The following RBP5 variants were observed in gnomAD, a reference collection of about 807,000 sequenced individuals.
RBP5 encodes retinol-binding protein 5.
Under a neutral mutation model 17.8 loss-of-function variants are expected in RBP5, and 12 were observed. That is an observed-to-expected ratio of 0.67 (90% CI 0.43 to 1.09). The LOEUF is 1.09. RBP5 is among the 50% of genes least tolerant of loss of function. The pLI, the probability that RBP5 is intolerant of heterozygous loss-of-function variation, is 0.00. For missense variants in RBP5, 172 were observed against 169.4 expected (o/e 1.02, Z -0.09); for synonymous variants, 64 against 68.1 (o/e 0.94, Z 0.30).
chr12:7,124,062 G>A lies in RBP5; in HGVS notation c.*59C>T. The A allele has an allele frequency of 1.3e-6, 2 of 1,528,390 alleles. No homozygotes were observed. The highest frequency in any genetic ancestry group is 4.5e-5 in the East Asian group (2 of 44,474). The allele number at this position is 1,528,390 out of a possible 1,614,324, so 94.7% of individuals were successfully genotyped here. On this transcript the variant is annotated 3_prime_UTR_variant, in exon 4 of 4. Transcript: ENST00000266560. This position sits in a 1 kb window ranked among gnomAD's most constrained non-coding sequence, Gnocchi z 5.3. Reference sequence around the variant, plus strand: ...CCTGGCACAATCTGGGCTTGAAGGGGGCACAACAAGAGCGTCTGTGAGCTG... The same window carrying A: ...CCTGGCACAATCTGGGCTTGAAGGGAGCACAACAAGAGCGTCTGTGAGCTG...
chr12:7,119,553 G>A (rs759609019), downstream of RBP5: 1 of 154,950 alleles, frequency 6.5e-6, no homozygotes, highest in Admixed American at 6.5e-5. Context: ...CCCATTCTCT[G>A]GTATGTGTCA....
chr12:7,129,018 G>A, upstream of RBP5: 1 of 470,698 alleles, frequency 2.1e-6, no homozygotes, highest in Admixed American at 3.3e-5. The surrounding 1 kb of genome is among the most constrained non-coding windows in gnomAD (Gnocchi z 5.5). Context: ...GAGGGGCAGG[G>A]ATTTGGCAAA....
chr12:7,128,394 ATCT>A lies in RBP5; in HGVS notation c.95_97del (p.Lys32del). 6.2e-7 allele frequency: 1 copy of A among 1,614,138 alleles called. No individual in the cohort carries two copies. The highest frequency in any genetic ancestry group is 8.5e-7 in the Non-Finnish European group (1 of 1,179,988). The stretch of plus-strand genomic sequence containing the variant: ...CTTGTCCGGCTTCAGCAGCAGCGCG[ATCT>A]TCCGCACAGCCAAGCTGATGTCTGT... On this transcript the variant is annotated inframe_deletion, in exon 2 of 4. Coordinates refer to ENST00000266560, the MANE Select transcript of RBP5 (RefSeq NM_031491.4). The surrounding 1 kb of genome is among the most constrained non-coding windows in gnomAD (Gnocchi z 5.3).
intron 2 of RBP5, among the ~76,000 whole-genome samples, chr12:7,125,032 G>C (rs982886315): frequency 6.6e-6 from 1 of 152,128 alleles, no homozygotes; most frequent in Admixed American, 6.5e-5. Flanking sequence ...TCAGCTACCA[G>C]AGTAGCTGGG....
Position 7,124,055 on chromosome 12 carries a change from T to C in RBP5, c.*66A>G. On this transcript the variant is annotated 3_prime_UTR_variant, in exon 4 of 4. Transcript: ENST00000266560. This position sits in a 1 kb window ranked among gnomAD's most constrained non-coding sequence, Gnocchi z 5.3. ...CAGCTGACCTGGCACAATCTGGGCT[T>C]GAAGGGGGCACAACAAGAGCGTCTG... The C allele has an allele frequency of 6.6e-7, 1 of 1,509,882 alleles. No homozygotes were observed. The highest frequency in any genetic ancestry group is 9.2e-7 in the Non-Finnish European group (1 of 1,085,260). The allele number at this position is 1,509,882 out of a possible 1,614,324, so 93.5% of individuals were successfully genotyped here. A position where few individuals can be genotyped will look rare whatever the true frequency, so the allele number is the denominator to read the frequency against.
Position 7,128,468 on chromosome 12 carries a change from C to T in RBP5, c.74-50G>A, listed in dbSNP as rs781116470. 1.3e-6 allele frequency: 2 copies of T among 1,584,986 alleles called. No homozygotes were observed. Among genetic ancestry groups the T allele is most frequent in the Admixed American group, 1.7e-5 (1 of 59,556 alleles). ...GGTGCTGCTAGCCAGCCAGGAGCTC[C>T]TCTGCCTGCAGCAGCCCCTCAGGGC... On this transcript the variant is annotated intron_variant, in intron 1 of 3. Coordinates refer to ENST00000266560, the MANE Select transcript of RBP5 (RefSeq NM_031491.4). This position sits in a 1 kb window ranked among gnomAD's most constrained non-coding sequence, Gnocchi z 5.3.
In RBP5 at chr12:7,124,028, G is replaced by T; in HGVS notation, c.*93C>A. 8.1e-7 allele frequency: 1 copy of T among 1,236,802 alleles called. No individual in the cohort carries two copies. Among genetic ancestry groups the T allele is most frequent in the Non-Finnish European group, 1.2e-6 (1 of 837,132 alleles). 76.6% of individuals were successfully genotyped at this position (1,236,802 alleles called of 1,614,324 possible). On this transcript the variant is annotated 3_prime_UTR_variant, in exon 4 of 4. Transcript: ENST00000266560. The surrounding 1 kb of genome is among the most constrained non-coding windows in gnomAD (Gnocchi z 5.3). ...GGGAGGAAAGGTGGCCAGAGGAAGG[G>T]ACAGCTGACCTGGCACAATCTGGGC...
chr12:7,123,932 G>A lies in RBP5; in HGVS notation c.*189C>T, dbSNP rs189660922. On this transcript the variant is annotated 3_prime_UTR_variant, in exon 4 of 4. Transcript: ENST00000266560. ...TGAGGTCACTATTGGGCAGTGGAGT[G>A]TGAGAAAGGACTTTGGCCTGGGGGC... 2.0e-4 allele frequency: 123 copies of A among 602,494 alleles called. No homozygotes were observed. Among genetic ancestry groups the A allele is most frequent in the African/African-American group, 1.9e-3 (104 of 54,312 alleles). The allele number at this position is 602,494 out of a possible 1,614,324, so 37.3% of individuals were successfully genotyped here.
chr12:7,123,477 C>T (rs1189401629), downstream of RBP5, among the ~76,000 whole-genome samples: 1 of 152,208 alleles, frequency 6.6e-6, no homozygotes, highest in Non-Finnish European at 1.5e-5. Flanking sequence ...AGCTCCCCGC[C>T]TCCCCAAGCA....
At chr12:7,129,816 C>A, upstream of RBP5, 1 of 985,710 alleles carries the variant, frequency 1.0e-6, no homozygotes, top group Non-Finnish European at 1.2e-6. The surrounding 1 kb of genome is among the most constrained non-coding windows in gnomAD (Gnocchi z 5.5). Flanking sequence ...AGGAGGCGGC[C>A]GGTCCCGACA....
At chr12:7,118,212 G>A (rs1174048444) in intron 3 of RBP5, 5 of 152,172 alleles carry the variant, frequency 3.3e-5, no homozygotes, top group African/African-American at 1.2e-4. Context: ...GCTCCAATGA[G>A]GACCCAGCAG....
downstream of RBP5, among the ~76,000 whole-genome samples, chr12:7,122,963 G>A (rs1022446072): frequency 2.0e-5 from 3 of 152,076 alleles, no homozygotes; most frequent in Non-Finnish European, 4.4e-5. Flanking sequence ...TGTGTGCATG[G>A]GGGGGCCAGC....
chr12:7,123,942 A>G lies in RBP5; in HGVS notation c.*179T>C. 3.3e-6 allele frequency: 2 copies of G among 615,380 alleles called. No homozygotes were observed. Among genetic ancestry groups the G allele is most frequent in the Non-Finnish European group, 5.9e-6 (2 of 340,634 alleles). 38.1% of individuals were successfully genotyped at this position (615,380 alleles called of 1,614,324 possible). The stretch of plus-strand genomic sequence containing the variant: ...ATTGGGCAGTGGAGTGTGAGAAAGG[A>G]CTTTGGCCTGGGGGCTGCAAGTTAC... On this transcript the variant is annotated 3_prime_UTR_variant, in exon 4 of 4. Transcript: ENST00000266560.
chr12:7,128,542 A>G lies in RBP5; in HGVS notation c.74-124T>C. Reference sequence around the variant, plus strand: ...TGGGACTGTGGATTCACCCCCTCCTACCAATGCCTGGTTAGAAATGGATCC... The same window carrying G: ...TGGGACTGTGGATTCACCCCCTCCTGCCAATGCCTGGTTAGAAATGGATCC... On this transcript the variant is annotated intron_variant, in intron 1 of 3. Transcript: ENST00000266560. This position sits in a 1 kb window ranked among gnomAD's most constrained non-coding sequence, Gnocchi z 5.3. 4.1e-6 allele frequency: 5 copies of G among 1,210,052 alleles called. No homozygotes were observed. Among genetic ancestry groups the G allele is most frequent in the Non-Finnish European group, 5.9e-6 (5 of 841,324 alleles). The allele number at this position is 1,210,052 out of a possible 1,614,324, so 75.0% of individuals were successfully genotyped here. A position where few individuals can be genotyped will look rare whatever the true frequency, so the allele number is the denominator to read the frequency against.
chr12:7,126,988 ATTTTTTT>A (rs35155124), intron 2 of RBP5, among the ~76,000 whole-genome samples: 9 of 86,512 alleles, frequency 1.0e-4, no homozygotes, highest in Non-Finnish European at 1.8e-4. Flanking sequence ...GTACTTTTGT[ATTTTTTT>A]TTTTTTTTTT....
Position 7,128,362 on chromosome 12 carries a change from C to CG in RBP5, c.129dup (p.Glu44ArgfsTer23), listed in dbSNP as rs1565646032. 6.2e-7 allele frequency: 1 copy of CG among 1,614,228 alleles called. No individual in the cohort carries two copies. Among genetic ancestry groups the CG allele is most frequent in the Non-Finnish European group, 8.5e-7 (1 of 1,180,042 alleles). ...ACCGTCATGTGGTTGCCCTGGTGTT[C>CG]GATCTCCTTGTCCGGCTTCAGCAGC... On this transcript the variant is annotated frameshift_variant, in exon 2 of 4. Coordinates refer to ENST00000266560, the MANE Select transcript of RBP5 (RefSeq NM_031491.4). LOFTEE classifies it high-confidence loss of function. The surrounding 1 kb of genome is among the most constrained non-coding windows in gnomAD (Gnocchi z 5.3).
chr12:7,122,860 C>CA (rs1939099105), downstream of RBP5, among the ~76,000 whole-genome samples: 1 of 149,706 alleles, frequency 6.7e-6, no homozygotes, highest in Non-Finnish European at 1.5e-5. Flanking sequence ...CCCTGAGTTC[C>CA]TTTTTTTTTT....
chr12:7,122,615 C>T (rs1939096572), downstream of RBP5: 1 of 152,234 alleles, frequency 6.6e-6, no homozygotes, highest in Non-Finnish European at 1.5e-5. Flanking sequence ...GAGGACCGTC[C>T]TGTGGGAAGA....
chr12:7,128,351 G>T lies in RBP5; in HGVS notation c.141C>A (p.Gly47=). 1 of 1,614,198 alleles carries T rather than the reference G, an allele frequency of 6.2e-7. No homozygotes were observed. Among genetic ancestry groups the T allele is most frequent in the Non-Finnish European group, 8.5e-7 (1 of 1,180,036 alleles). ...LKPDKEIEHQ[G]NHMTVRTLST... Reference sequence around the variant, plus strand: ...TGAGCGTCCTCACCGTCATGTGGTTGCCCTGGTGTTCGATCTCCTTGTCCG... The same window carrying T: ...TGAGCGTCCTCACCGTCATGTGGTTTCCCTGGTGTTCGATCTCCTTGTCCG... Residue 47 remains glycine, a synonymous_variant, in exon 2 of 4, where the codon GGC becomes GGA. Coordinates refer to ENST00000266560, the MANE Select transcript of RBP5 (RefSeq NM_031491.4). The surrounding 1 kb of genome is among the most constrained non-coding windows in gnomAD (Gnocchi z 5.3).
Sources: allele counts gnomAD v4.1 joint callset (sites outside exome capture counted in the v4.1 genomes callset), GRCh38; gene constraint gnomAD v4.1.1; non-coding constraint Gnocchi (gnomAD v3.1); transcripts MANE v1.5; gene names NCBI Gene and HGNC (gene_info 2026-07-23, HGNC 2026-07-21).